IGFL2: variants seen among roughly 807,000 people sequenced by gnomAD.
IGFL2 encodes the protein insulin growth factor-like family member 2.
In IGFL2, 7 loss-of-function variants were observed where a neutral mutation model predicts 13.9. The observed-to-expected ratio is 0.51, with a 90% confidence interval of 0.29 to 0.95. The LOEUF (loss-of-function observed/expected upper bound fraction) is 0.95, where lower values mean the gene tolerates loss of function less well. Ranked by LOEUF, IGFL2 falls within the 40% of genes least tolerant of loss-of-function variation. The pLI is 0.08. For synonymous variants in IGFL2, 55 were observed against 55.8 expected (o/e 0.99, Z 0.07); for missense variants, 138 against 147.8 (o/e 0.93, Z 0.34).
intron 1 of IGFL2, among the ~76,000 whole-genome samples, chr19:46,150,447 G>A (rs1973416240): frequency 6.6e-6 from 1 of 151,994 alleles, no homozygotes; most frequent in Non-Finnish European, 1.5e-5. Flanking sequence ...CCTAACTCGA[G>A]GTCATTAAGA....
the IGFL2 span, among the ~76,000 whole-genome samples, chr19:46,193,280 G>A: frequency 2.6e-5 from 4 of 152,044 alleles, no homozygotes; most frequent in African/African-American, 9.7e-5. Flanking sequence ...ATGCCGTGTC[G>A]TCCCGCTCTG....
At chr19:46,123,578 G>C in the IGFL2 span, among the ~76,000 whole-genome samples, 4 of 150,610 alleles carry the variant, frequency 2.7e-5, no homozygotes, top group African/African-American at 7.4e-5. Context: ...CCTGACACTG[G>C]ATTATTTAGC....
intron 1 of IGFL2, among the ~76,000 whole-genome samples, chr19:46,152,849 A>G (rs1053468967): frequency 6.6e-6 from 1 of 152,178 alleles, no homozygotes. Flanking sequence ...ACTCTCTTCT[A>G]TTCCTAGTTT....
chr19:46,093,875 T>C, the IGFL2 span, among the ~76,000 whole-genome samples: 1 of 152,080 alleles, frequency 6.6e-6, no homozygotes, highest in Non-Finnish European at 1.5e-5. Flanking sequence ...AAACAAAATA[T>C]GTGTGGATCT....
At chr19:46,157,268 C>A (rs1329680485) in intron 1 of IGFL2, among the ~76,000 whole-genome samples, 1 of 152,136 alleles carries the variant, frequency 6.6e-6, no homozygotes, top group African/African-American at 2.4e-5. Flanking sequence ...CAATTCATTT[C>A]ATAAAATCAG....
the IGFL2 span, chr19:46,101,199 G>C: frequency 6.6e-6 from 1 of 152,512 alleles, no homozygotes; most frequent in South Asian, 2.1e-4. Context: ...TCACCCAGTC[G>C]CGGGGCACAG....
the IGFL2 span, among the ~76,000 whole-genome samples, chr19:46,082,309 T>A: frequency 0.017 from 2,638 of 152,330 alleles, 62 homozygotes; most frequent in African/African-American, 0.058. Flanking sequence ...GAAGTTTAAC[T>A]GTCTACAAGT....
the IGFL2 span, among the ~76,000 whole-genome samples, chr19:46,101,840 T>TCA: frequency 1.3e-5 from 2 of 152,186 alleles, no homozygotes; most frequent in Non-Finnish European, 2.9e-5. Flanking sequence ...ATCTCCTGAT[T>TCA]CACAGGTTGC....
chr19:46,127,074 A>G, the IGFL2 span, among the ~76,000 whole-genome samples: 2 of 152,166 alleles, frequency 1.3e-5, no homozygotes, highest in Non-Finnish European at 2.9e-5. Context: ...TCTCTCCTCA[A>G]CTGTGCTTTC....
chr19:46,086,825 G>A, the IGFL2 span, among the ~76,000 whole-genome samples: 1 of 152,140 alleles, frequency 6.6e-6, no homozygotes, highest in Non-Finnish European at 1.5e-5. Flanking sequence ...TGGTTGGGTA[G>A]GGAATTTTGG....
the IGFL2 span, among the ~76,000 whole-genome samples, chr19:46,083,344 C>A: frequency 6.6e-6 from 1 of 152,126 alleles, no homozygotes; most frequent in Non-Finnish European, 1.5e-5. Context: ...AAATGGAAAT[C>A]TAGGCAGCTG....
chr19:46,098,626 A>G, the IGFL2 span, among the ~76,000 whole-genome samples: 2 of 151,904 alleles, frequency 1.3e-5, no homozygotes, highest in African/African-American at 4.8e-5. Context: ...CTACAGGTGC[A>G]TGCCACCATG....
At chr19:46,166,421 A>G in the IGFL2 span, among the ~76,000 whole-genome samples, 33 of 152,198 alleles carry the variant, frequency 2.2e-4, no homozygotes, top group Non-Finnish European at 3.2e-4. Flanking sequence ...TAACAGGGTA[A>G]TAGAATATCA....
chr19:46,127,123 C>T, the IGFL2 span, among the ~76,000 whole-genome samples: 26 of 152,284 alleles, frequency 1.7e-4, no homozygotes, highest in African/African-American at 6.0e-4. Flanking sequence ...CAGTGGCTGA[C>T]ACCTGTAATC....
At chr19:46,091,414 C>T in the IGFL2 span, among the ~76,000 whole-genome samples, 1 of 152,164 alleles carries the variant, frequency 6.6e-6, no homozygotes, top group Non-Finnish European at 1.5e-5. Context: ...ATGTAAGGTG[C>T]TTGGCCTACA....
chr19:46,191,475 T>C, the IGFL2 span, among the ~76,000 whole-genome samples: 2 of 152,172 alleles, frequency 1.3e-5, no homozygotes, highest in East Asian at 3.9e-4. Flanking sequence ...GACTAGGTGG[T>C]GGTGGGAACA....
intron 1 of IGFL2, among the ~76,000 whole-genome samples, chr19:46,158,081 G>T (rs776926303): frequency 1.6e-4 from 25 of 152,114 alleles, no homozygotes; most frequent in Admixed American, 5.2e-4. Context: ...AACAAAACAT[G>T]TACAGGACTT....
chr19:46,137,289 A>G, the IGFL2 span: 6 of 1,133,072 alleles, frequency 5.3e-6, no homozygotes, highest in African/African-American at 9.1e-5. Context: ...TGCGTACACC[A>G]CATGCAATAT....
the IGFL2 span, among the ~76,000 whole-genome samples, chr19:46,106,225 G>A: frequency 9.9e-5 from 15 of 152,154 alleles, no homozygotes; most frequent in African/African-American, 3.6e-4. Flanking sequence ...TTTGGGCTTT[G>A]GAGGGGGATA....
Sources: allele counts gnomAD v4.1 joint callset (sites outside exome capture counted in the v4.1 genomes callset), GRCh38; gene constraint gnomAD v4.1.1; transcripts MANE v1.5; gene names NCBI Gene and HGNC (gene_info 2026-07-23, HGNC 2026-07-21).